Variants in DENND2C observed in about 807,000 individuals in gnomAD.
DENND2C encodes the protein DENN domain-containing protein 2C.
A neutral mutation model predicts 112.4 loss-of-function variants in DENND2C; 72 were observed. The ratio of observed to expected loss-of-function variants is 0.64; its 90% CI spans 0.53 to 0.78. The LOEUF (loss-of-function observed/expected upper bound fraction) is 0.78, where lower values mean the gene tolerates loss of function less well. DENND2C is among the 30% of genes least tolerant of loss of function. DENND2C has a pLI of 0.00. For missense variants in DENND2C, 992 were observed against 1,113.8 expected, an observed-to-expected ratio of 0.89 and a Z score of 1.56; for synonymous variants, 329 against 381.6, an observed-to-expected ratio of 0.86 and a Z score of 1.61.
At chr1:114,624,254 A>G (rs1656267765) in intron 4 of DENND2C, among the ~76,000 whole-genome samples, 1 of 152,140 alleles carries the variant, frequency 6.6e-6, no homozygotes, top group South Asian at 2.1e-4. Context: ...CCCTAAATGA[A>G]GTGGAAGAAT....
Position 114,600,364 on chromosome 1 carries a change from G to A in DENND2C, c.1957-12C>T. ...CAGAGTTCAATGGACTGAAATGCAA[G>A]AAGTTGAATCAGGTGAGCTAATGTT... On this transcript the variant is annotated splice_polypyrimidine_tract_variant and intron_variant, in intron 14 of 20. Transcript: ENST00000393274. 1 of 1,613,790 alleles carries A rather than the reference G, an allele frequency of 6.2e-7. No homozygotes were observed. The highest frequency in any genetic ancestry group is 8.5e-7 in the Non-Finnish European group (1 of 1,179,798).
chr1:114,618,350 A>G, intron 8 of DENND2C, 36 bp downstream of exon 8: 1 of 1,396,118 alleles, frequency 7.2e-7, no homozygotes, highest in Non-Finnish European at 9.8e-7. Flanking sequence ...ATATCCTGAC[A>G]GCTACAGGAT....
chr1:114,654,939 C>T (rs376919341), intron 1 of DENND2C, among the ~76,000 whole-genome samples, 178 bp from the exon 2 acceptor site: 4 of 152,160 alleles, frequency 2.6e-5, no homozygotes, highest in East Asian at 1.9e-4. Flanking sequence ...AAAGGAAAAA[C>T]GCTCTATTTA....
intron 2 of DENND2C, among the ~76,000 whole-genome samples, chr1:114,650,206 C>T (rs1388481888): frequency 6.6e-6 from 1 of 151,876 alleles, no homozygotes; most frequent in South Asian, 2.1e-4. Flanking sequence ...GCCTGTAATC[C>T]CAGTTACTCA....
chr1:114,601,414 G>T (rs61811019), intron 13 of DENND2C, 94 bp downstream of exon 13: 6 of 1,266,040 alleles, frequency 4.7e-6, no homozygotes, highest in African/African-American at 1.5e-5. Flanking sequence ...TACTAATAGG[G>T]AACCTTTCTG....
chr1:114,607,191 A>C (rs973347660), intron 10 of DENND2C, among the ~76,000 whole-genome samples: 12 of 152,250 alleles, frequency 7.9e-5, no homozygotes, highest in Non-Finnish European at 7.3e-5. Context: ...GACACCATGC[A>C]TGAACTCAGG....
At chr1:114,665,414 A>G (rs1657620750) in intron 1 of DENND2C, among the ~76,000 whole-genome samples, 1 of 152,362 alleles carries the variant, frequency 6.6e-6, no homozygotes, top group Middle Eastern at 3.4e-3. Context: ...AGAAGCTCCA[A>G]TAATACTTTG....
intron 3 of DENND2C, among the ~76,000 whole-genome samples, chr1:114,639,617 T>C (rs115894871): frequency 0.026 from 3,944 of 151,942 alleles, 94 homozygotes; most frequent in Non-Finnish European, 0.034. Flanking sequence ...ATTTCAGTTA[T>C]TATATTTATC....
intron 9 of DENND2C, among the ~76,000 whole-genome samples, chr1:114,610,565 T>A (rs530095565): frequency 4.6e-5 from 7 of 152,236 alleles, no homozygotes; most frequent in Admixed American, 1.3e-4. Flanking sequence ...CTTGGCGTGG[T>A]GGCACATGCC....
chr1:114,652,581 A>AT (rs760847692), intron 2 of DENND2C, among the ~76,000 whole-genome samples: 12 of 151,952 alleles, frequency 7.9e-5, no homozygotes, highest in Non-Finnish European at 1.2e-4. Context: ...ACCAAAACCC[A>AT]TAAAGGCTGA....
intron 16 of DENND2C, among the ~76,000 whole-genome samples, chr1:114,597,117 CACAG>C (rs1381551621): frequency 6.6e-6 from 1 of 152,040 alleles, no homozygotes; most frequent in African/African-American, 2.4e-5. Flanking sequence ...AAAGGCAAGC[CACAG>C]ACAAAGGGGC....
At chr1:114,620,279 CAATT>C (rs1656128962) in intron 7 of DENND2C, among the ~76,000 whole-genome samples, 1 of 152,134 alleles carries the variant, frequency 6.6e-6, no homozygotes, top group Non-Finnish European at 1.5e-5. Flanking sequence ...TCCTGCCTGA[CAATT>C]AAGAATTCAT....
chr1:114,649,867 T>C (rs1337678269), intron 2 of DENND2C, among the ~76,000 whole-genome samples: 2 of 152,086 alleles, frequency 1.3e-5, no homozygotes. Context: ...ATTTTGAAAA[T>C]AGAGGAAACA....
At chr1:114,665,943 T>C (rs368163756) in intron 1 of DENND2C, among the ~76,000 whole-genome samples, 3 of 152,202 alleles carry the variant, frequency 2.0e-5, no homozygotes, top group African/African-American at 7.2e-5. Context: ...TAGCCTGGCT[T>C]CTGGACTCTA....
Position 114,601,510 on chromosome 1 carries a change from T to C in DENND2C, c.1813A>G (p.Lys605Glu), listed in dbSNP as rs763051614. The change falls in exon 13 of 21, where the codon AAG (lysine) becomes GAG (glutamate). Residue 605 changes from lysine to glutamate, a missense_variant and splice_region_variant. This residue lies in a region of DENND2C where 516 missense variants were observed against 623.6 expected (regional missense o/e 0.83). Coordinates refer to ENST00000393274, the MANE Select transcript of DENND2C (RefSeq NM_001256404.2). ...CATACAGCTCATTCTCCACTCACCTTTGAAAAAAGATTGAAGCAGCCTAGG... is the reference window on the plus strand; with the variant it reads ...CATACAGCTCATTCTCCACTCACCTCTGAAAAAAGATTGAAGCAGCCTAGG... Reference protein sequence around the residue: ...SRLGCFNLFSKILDEVEKRRE... With the variant: ...SRLGCFNLFSEILDEVEKRRE... 13 of 1,611,274 alleles carry C rather than the reference T, an allele frequency of 8.1e-6. No individual in the cohort carries two copies. The highest frequency in any genetic ancestry group is 1.3e-5 in the African/African-American group (1 of 74,842).
rs754147088 is a variant in DENND2C, at chr1:114,623,557, G to A, written c.893C>T (p.Ser298Leu). The A allele has an allele frequency of 8.1e-6, 13 of 1,610,402 alleles. No homozygotes were observed. The highest frequency in any genetic ancestry group is 1.7e-5 in the Admixed American group (1 of 59,378). ...IREELGRNSG[S>L]ALYYTQSEDN... Reference sequence around the variant, plus strand: ...CTCAGACTGTGTGTAATAAAGTGCTGACCCAGAATTTCTTCCAAGTTCTTC... The same window carrying A: ...CTCAGACTGTGTGTAATAAAGTGCTAACCCAGAATTTCTTCCAAGTTCTTC... Residue 298 changes from serine to leucine, a missense_variant, in exon 5 of 21, where the codon TCA becomes TTA. By Grantham distance (145) the Ser-to-Leu change is moderately radical. Coordinates refer to ENST00000393274, the MANE Select transcript of DENND2C (RefSeq NM_001256404.2).
intron 3 of DENND2C, among the ~76,000 whole-genome samples, chr1:114,626,610 C>T (rs1322874404): frequency 1.4e-5 from 2 of 145,096 alleles, no homozygotes; most frequent in Non-Finnish European, 3.0e-5. Flanking sequence ...CTCCTGGGTT[C>T]AAGTGATCTT....
intron 18 of DENND2C, 22 bp downstream of exon 18, chr1:114,594,451 C>A (rs1205205049): frequency 6.3e-7 from 1 of 1,589,420 alleles, no homozygotes; most frequent in African/African-American, 1.3e-5. Flanking sequence ...AACCTTAAGT[C>A]CTTGGCTCAC....
chr1:114,657,655 A>C (rs1657371764), intron 1 of DENND2C, among the ~76,000 whole-genome samples: 1 of 152,238 alleles, frequency 6.6e-6, no homozygotes, highest in Non-Finnish European at 1.5e-5. Flanking sequence ...AGTGGCATGG[A>C]GGCTGAAGGA....
Sources: gnomAD v4.1 joint callset for allele counts (sites outside exome capture counted in the v4.1 genomes callset) on GRCh38, gnomAD v4.1.1 for gene constraint, gnomAD v4.1.1 regional missense constraint, MANE v1.5 for transcripts, NCBI Gene and HGNC (gene_info 2026-07-23, HGNC 2026-07-21) for gene names.